The following TMEM150C variants were observed in gnomAD, a reference collection of about 807,000 sequenced individuals.
TMEM150C encodes tentonin 3.
In TMEM150C, 10 loss-of-function variants were observed where a neutral mutation model predicts 29.9. That is an observed-to-expected ratio of 0.33 (90% CI 0.21 to 0.57). TMEM150C has a LOEUF of 0.57. Among genes scored for constraint, TMEM150C ranks in the 20% least tolerant of loss-of-function variants. The pLI is 0.88. For missense variants in TMEM150C, 251 were observed against 303.6 expected (o/e 0.83, Z 1.29); for synonymous variants, 101 against 112.5 (o/e 0.90, Z 0.64).
chr4:82,519,195 T>C (rs190055940), intron 1 of TMEM150C, among the ~76,000 whole-genome samples: 1 of 152,314 alleles, frequency 6.6e-6, no homozygotes. Flanking sequence ...TCTACATTTA[T>C]CATGTCACCT....
chr4:82,494,783 ATTTTT>A lies in TMEM150C; in HGVS notation c.363+1280_363+1284del, dbSNP rs70964776. 383 of 187,998 alleles carry A rather than the reference ATTTTT, an allele frequency of 2.0e-3. 1 individual carries two copies. The highest frequency in any genetic ancestry group is 8.9e-3 in the African/African-American group (316 of 35,540). The allele number at this position is 187,998 out of a possible 1,614,324, so 11.6% of individuals were successfully genotyped here. On this transcript the variant is annotated intron_variant, in intron 6 of 7. Coordinates refer to ENST00000449862, the MANE Select transcript of TMEM150C (RefSeq NM_001080506.3). ...TGCATGTTAGGAACCAATGTTCCTA[ATTTTT>A]TTTTTTTTTTTTTTTGTGAGTCTGA...
chr4:82,555,521 C>T (rs1187402752), intron 1 of TMEM150C, among the ~76,000 whole-genome samples: 1 of 152,180 alleles, frequency 6.6e-6, no homozygotes, highest in African/African-American at 2.4e-5. Context: ...CTCTTCCTGC[C>T]TAAATGTGCA....
chr4:82,556,976 C>T (rs1482919075), intron 1 of TMEM150C, among the ~76,000 whole-genome samples: 1 of 151,996 alleles, frequency 6.6e-6, no homozygotes, highest in Non-Finnish European at 1.5e-5. Context: ...GAGTCCCTTC[C>T]AGAGGAGGGG....
At chr4:82,553,512 T>G (rs1376369019) in intron 1 of TMEM150C, among the ~76,000 whole-genome samples, 1 of 152,238 alleles carries the variant, frequency 6.6e-6, no homozygotes, top group African/African-American at 2.4e-5. Flanking sequence ...ATAAATTGCG[T>G]GCCTTCCAAA....
chr4:82,559,955 C>A lies in TMEM150C; in HGVS notation c.-11+1951G>T, dbSNP rs10024182. Reference sequence around the variant, plus strand: ...GTACTAAAGAGGTGTGGGTCACAGGCGAGACAAAGCAGGAAGACAGACAAG... The same window carrying A: ...GTACTAAAGAGGTGTGGGTCACAGGAGAGACAAAGCAGGAAGACAGACAAG... On this transcript the variant is annotated intron_variant, in intron 1 of 7. Coordinates refer to ENST00000449862, the MANE Select transcript of TMEM150C (RefSeq NM_001080506.3). Among the ~76,000 whole-genome samples, 12 of 152,012 alleles carry A rather than the reference C, an allele frequency of 7.9e-5. No homozygotes were observed. In the South Asian group the frequency reaches 2.5e-3, roughly 32 times the overall value.
chr4:82,498,819 C>T (rs949166091), intron 5 of TMEM150C, among the ~76,000 whole-genome samples: 7 of 152,186 alleles, frequency 4.6e-5, no homozygotes, highest in African/African-American at 1.4e-4. Flanking sequence ...ACAGGACATG[C>T]AACATCTTCT....
At position 82,504,638 on chromosome 4, in the gene TMEM150C, C is replaced by T. The variant is rs1313558550; in HGVS notation, c.20G>A (p.Ser7Asn). The T allele has an allele frequency of 1.9e-6, 3 of 1,613,616 alleles. No individual in the cohort carries two copies. In the Admixed American group the frequency reaches 5.0e-5, roughly 27 times the overall value. Residue 7 changes from serine (S) to asparagine (N), a missense_variant, in exon 2 of 8, where the codon AGC becomes AAC. Coordinates refer to ENST00000449862, the MANE Select transcript of TMEM150C (RefSeq NM_001080506.3). The part of the protein sequence containing the change: MDGKKC[S>N]VWMFLPLVFT... Reference sequence around the variant, plus strand: ...TACAAGAGGTAGGAACATCCATACGCTGCATTTCTTCCCATCCATGCCTGT... The same window carrying T: ...TACAAGAGGTAGGAACATCCATACGTTGCATTTCTTCCCATCCATGCCTGT...
At chr4:82,527,068 A>T (rs1578142183) in intron 1 of TMEM150C, among the ~76,000 whole-genome samples, 3 of 94,700 alleles carry the variant, frequency 3.2e-5, no homozygotes, top group African/African-American at 4.4e-5. Flanking sequence ...CATATCTCCT[A>T]TTTTACTTCA....
At chr4:82,521,031 G>GCCACACATATGGTGTACTGTC (rs1724467112) in intron 1 of TMEM150C, among the ~76,000 whole-genome samples, 1 of 151,998 alleles carries the variant, frequency 6.6e-6, no homozygotes, top group Non-Finnish European at 1.5e-5. Context: ...CCCTGCACAG[G>GCCACACATATGGTGTACTGTC]CCACACATAT....
At chr4:82,491,754 G>A (rs577834547) in intron 6 of TMEM150C, 40 of 334,440 alleles carry the variant, frequency 1.2e-4, no homozygotes, top group Non-Finnish European at 1.1e-4. Flanking sequence ...CTCCCGCCTC[G>A]GCCTCCCAAA....
At chr4:82,540,114 CTTTTTTTTTTTTTTTT>C (rs577728662) in intron 1 of TMEM150C, among the ~76,000 whole-genome samples, 2,060 of 47,134 alleles carry the variant, frequency 0.044, 18 homozygotes, top group African/African-American at 0.061. Flanking sequence ...TCTACCTATT[CTTTTTTTTTTTTTTTT>C]TTTTTTTTTT....
In TMEM150C at chr4:82,496,055, C is replaced by A. The variant is rs1275728582; in HGVS notation, c.363+13G>T. The stretch of plus-strand genomic sequence containing the variant: ...CAGTGTCAGAGGGAGGTGAAAAAGG[C>A]CAAATCAAGTACCTGAAAATTACCA... On this transcript the variant is annotated intron_variant, in intron 6 of 7. Transcript: ENST00000449862. 2 of 1,613,658 alleles carry A rather than the reference C, an allele frequency of 1.2e-6. No individual in the cohort carries two copies. The highest frequency in any genetic ancestry group is 1.3e-5 in the African/African-American group (1 of 74,866).
chr4:82,546,896 C>G (rs1443712786), intron 1 of TMEM150C, among the ~76,000 whole-genome samples: 1 of 152,010 alleles, frequency 6.6e-6, no homozygotes, highest in African/African-American at 2.4e-5. Flanking sequence ...AAAATTAACT[C>G]AAGATGGATT....
At chr4:82,497,712 G>A (rs1723601972) in intron 5 of TMEM150C, among the ~76,000 whole-genome samples, 1 of 152,212 alleles carries the variant, frequency 6.6e-6, no homozygotes. Context: ...GTTGACAGTA[G>A]TTTCTCAAAC....
At position 82,541,891 on chromosome 4, in the gene TMEM150C, C is replaced by A. The variant is rs188994227; in HGVS notation, c.-11+20015G>T. 4.0e-3 allele frequency among the ~76,000 whole-genome samples: 604 copies of A among 152,258 alleles called. 3 individuals carry two copies. The highest frequency in any genetic ancestry group is 0.014 in the African/African-American group (565 of 41,560). On this transcript the variant is annotated intron_variant, in intron 1 of 7. Coordinates refer to ENST00000449862, the MANE Select transcript of TMEM150C (RefSeq NM_001080506.3). ...CTTATGGTTCCCATAATAGTAACAG[C>A]CCTGCCTTGCTCTATAATATTATTT...
chr4:82,548,894 G>T lies in TMEM150C; in HGVS notation c.-11+13012C>A, dbSNP rs983060264. On this transcript the variant is annotated intron_variant, in intron 1 of 7. Coordinates refer to ENST00000449862, the MANE Select transcript of TMEM150C (RefSeq NM_001080506.3). ...TGTGTGTGCAGGAAACAGAGTTTGT[G>T]ATGCTTAGGGAATCATGAGTAAGTC... 1.8e-4 allele frequency among the ~76,000 whole-genome samples: 28 copies of T among 152,358 alleles called. 2 individuals are homozygous for T. Among genetic ancestry groups the T allele is most frequent in the Admixed American group, 1.6e-3 (25 of 15,308 alleles).
chr4:82,528,006 T>G (rs898030522), intron 1 of TMEM150C, among the ~76,000 whole-genome samples: 1 of 152,162 alleles, frequency 6.6e-6, no homozygotes, highest in Non-Finnish European at 1.5e-5. Context: ...ATGTCCACTT[T>G]GCACAGGCAC....
intron 1 of TMEM150C, among the ~76,000 whole-genome samples, chr4:82,524,311 T>C (rs1318511350): frequency 6.6e-6 from 1 of 152,188 alleles, no homozygotes; most frequent in African/African-American, 2.4e-5. Context: ...ATTTCATAAG[T>C]ATTTTATTTT....
rs1723122573 is a variant in TMEM150C, at chr4:82,485,295, T to C, written c.*216A>G. The C allele has an allele frequency of 1.1e-5, 6 of 546,796 alleles. No individual in the cohort carries two copies. In the South Asian group the frequency reaches 1.3e-4, roughly 11 times the overall value. The allele number at this position is 546,796 out of a possible 1,614,324, so 33.9% of individuals were successfully genotyped here. A position where few individuals can be genotyped will look rare whatever the true frequency, so the allele number is the denominator to read the frequency against. ...AGCTTCTTGCTCTGTCGTGCATATA[T>C]TTTCAGTGTAACAGCGTGTATTTCG... On this transcript the variant is annotated 3_prime_UTR_variant, in exon 8 of 8. Coordinates refer to ENST00000449862, the MANE Select transcript of TMEM150C (RefSeq NM_001080506.3).
Sources: gnomAD v4.1 joint callset for allele counts (sites outside exome capture counted in the v4.1 genomes callset) on GRCh38, gnomAD v4.1.1 for gene constraint, MANE v1.5 for transcripts, NCBI Gene and HGNC (gene_info 2026-07-23, HGNC 2026-07-21) for gene names.